Variants in AKAP13 observed in about 807,000 individuals in gnomAD.
AKAP13 encodes the protein A-kinase anchor protein 13.
A neutral mutation model predicts 264.5 loss-of-function variants in AKAP13; 80 were observed. That is an observed-to-expected ratio of 0.30 (90% CI 0.25 to 0.36). AKAP13 has a LOEUF of 0.36. Ranked by LOEUF, AKAP13 falls within the 10% of genes least tolerant of loss-of-function variation. AKAP13 has a pLI of 1.00. For missense variants in AKAP13, 3,712 were observed against 3,435.2 expected, an observed-to-expected ratio of 1.08 and a Z score of -2.01; for synonymous variants, 1,380 against 1,250.2, an observed-to-expected ratio of 1.10 and a Z score of -2.19.
chr15:85,715,989 A>C, intron 20 of AKAP13, 66 bp downstream of exon 20: 2 of 1,521,052 alleles, frequency 1.3e-6, no homozygotes, highest in Admixed American at 2.5e-5. Flanking sequence ...TAATCACATC[A>C]TATGACAAAA....
intron 12 of AKAP13, among the ~76,000 whole-genome samples, chr15:85,658,928 A>G (rs533907626): frequency 1.3e-5 from 2 of 152,256 alleles, no homozygotes; most frequent in South Asian, 2.1e-4. Context: ...TGCCTATTTA[A>G]TGGACCCTGG....
chr15:85,479,521 C>T (rs988119642), intron 1 of AKAP13, among the ~76,000 whole-genome samples: 2 of 152,126 alleles, frequency 1.3e-5, no homozygotes, highest in Admixed American at 6.5e-5. Flanking sequence ...TGGCTGAGTC[C>T]CAGACAGCTG....
chr15:85,436,726 A>G (rs1174604117), intron 1 of AKAP13, among the ~76,000 whole-genome samples: 1 of 151,642 alleles, frequency 6.6e-6, no homozygotes. Flanking sequence ...TACTGGGTAC[A>G]TAACGAAATG....
At chr15:85,421,341 C>G (rs566025399) in intron 1 of AKAP13, among the ~76,000 whole-genome samples, 97 of 152,330 alleles carry the variant, frequency 6.4e-4, no homozygotes, top group African/African-American at 2.3e-3. Context: ...CTCTTACTCC[C>G]TTACTCTTCC....
chr15:85,572,847 G>A (rs918667406), intron 5 of AKAP13, among the ~76,000 whole-genome samples: 28 of 152,238 alleles, frequency 1.8e-4, no homozygotes, highest in Admixed American at 1.2e-3. Flanking sequence ...CGACCCCGGT[G>A]TGTGATGTTC....
intron 1 of AKAP13, among the ~76,000 whole-genome samples, chr15:85,443,854 A>G (rs946445988): frequency 2.6e-5 from 4 of 151,598 alleles, no homozygotes; most frequent in Admixed American, 6.6e-5. Flanking sequence ...GGTATTTATG[A>G]CTGTCAAGGC....
At chr15:85,522,876 T>C (rs1480711275) in intron 3 of AKAP13, among the ~76,000 whole-genome samples, 1 of 151,398 alleles carries the variant, frequency 6.6e-6, no homozygotes, top group Admixed American at 6.6e-5. Context: ...TCAGTATTTT[T>C]CCATCATGCT....
rs762585390 is a variant in AKAP13 at position 85,645,890 on chromosome 15, C to T, written c.4310C>T (p.Ser1437Phe). The T allele has an allele frequency of 1.2e-6, 2 of 1,612,622 alleles. No individual in the cohort carries two copies. The highest frequency in any genetic ancestry group is 1.7e-6 in the Non-Finnish European group (2 of 1,179,450). ...AAACAAGGTGTACTTAAAAGAGAAT[C>T]TGGGAGTGATTCTGACCTCTTTCAC... ...TSKQGVLKRESGSDSDLFHSP... is the reference protein window; with the variant it reads ...TSKQGVLKREFGSDSDLFHSP... The change falls in exon 10 of 37, where the codon TCT becomes TTT. Residue 1437 changes from serine (S) to phenylalanine (F), a missense_variant. This residue lies in a region of AKAP13 where 2,759 missense variants were observed against 2,411.7 expected (regional missense o/e 1.14). Transcript: ENST00000394518.
At chr15:85,510,306 C>G (rs2076375892) in intron 2 of AKAP13, among the ~76,000 whole-genome samples, 1 of 152,150 alleles carries the variant, frequency 6.6e-6, no homozygotes, top group South Asian at 2.1e-4. Flanking sequence ...TCTTTTTGGT[C>G]ATATTCTTCA....
intron 8 of AKAP13, among the ~76,000 whole-genome samples, chr15:85,607,059 CT>C (rs1034603638): frequency 6.7e-6 from 1 of 149,186 alleles, no homozygotes; most frequent in South Asian, 2.1e-4. Flanking sequence ...AGGCTTTTTT[CT>C]TTTTTTCTTT....
chr15:85,483,098 G>A (rs1004092693), intron 1 of AKAP13, among the ~76,000 whole-genome samples: 52 of 152,342 alleles, frequency 3.4e-4, no homozygotes, highest in African/African-American at 1.3e-3. Context: ...AGCCCTCTAA[G>A]TTTGCTCAGC....
At chr15:85,610,766 A>T (rs1179016135) in intron 8 of AKAP13, among the ~76,000 whole-genome samples, 1 of 151,926 alleles carries the variant, frequency 6.6e-6, no homozygotes, top group Non-Finnish European at 1.5e-5. Flanking sequence ...ACCTGAGGTC[A>T]GGAGATCAAG....
At chr15:85,519,822 A>AAACTACCT (rs1351515041) in intron 2 of AKAP13, among the ~76,000 whole-genome samples, 22 of 152,306 alleles carry the variant, frequency 1.4e-4, no homozygotes, top group Admixed American at 1.0e-3. Flanking sequence ...GTTTAGTAAA[A>AAACTACCT]AACTACCTTC....
intron 8 of AKAP13, among the ~76,000 whole-genome samples, chr15:85,621,022 A>C (rs1270883847): frequency 6.6e-6 from 1 of 152,198 alleles, no homozygotes; most frequent in Non-Finnish European, 1.5e-5. Context: ...GACAGAAAGA[A>C]CCTCAGTAAC....
intron 12 of AKAP13, 127 bp from the exon 13 acceptor site, chr15:85,664,436 G>C: frequency 4.4e-6 from 4 of 914,634 alleles, no homozygotes; most frequent in Middle Eastern, 7.3e-4. Context: ...TGCCCTTTTA[G>C]ACAGTTTTGC....
At chr15:85,508,132 A>T in intron 2 of AKAP13, among the ~76,000 whole-genome samples, 1 of 149,440 alleles carries the variant, frequency 6.7e-6, no homozygotes, top group African/African-American at 2.5e-5. Context: ...TTCCTCAGGC[A>T]CTTTGTGTAA....
At chr15:85,605,878 A>T (rs2080300685) in intron 8 of AKAP13, among the ~76,000 whole-genome samples, 1 of 152,106 alleles carries the variant, frequency 6.6e-6, no homozygotes, top group African/African-American at 2.4e-5. Context: ...TTTTTAAAAC[A>T]GCATTAAGGG....
intron 5 of AKAP13, among the ~76,000 whole-genome samples, chr15:85,544,464 G>A (rs1596483227): frequency 2.0e-5 from 3 of 152,166 alleles, no homozygotes; most frequent in Admixed American, 6.5e-5. Flanking sequence ...AAATTTGAGA[G>A]CAGTGGTTTC....
chr15:85,423,877 A>T (rs748128112), intron 1 of AKAP13, among the ~76,000 whole-genome samples: 1 of 152,192 alleles, frequency 6.6e-6, no homozygotes, highest in Non-Finnish European at 1.5e-5. Flanking sequence ...CAGGCATGAA[A>T]ACAACATTAA....
Sources: allele counts gnomAD v4.1 joint callset (sites outside exome capture counted in the v4.1 genomes callset), GRCh38; gene constraint gnomAD v4.1.1; regional missense constraint gnomAD v4.1.1; transcripts MANE v1.5; gene names NCBI Gene and HGNC (gene_info 2026-07-23, HGNC 2026-07-21).